Variants in PCYT1A observed in about 807,000 individuals in gnomAD.
PCYT1A encodes phosphate cytidylyltransferase 1A, choline, also known as choline-phosphate cytidylyltransferase A.
A neutral mutation model predicts 43.7 loss-of-function variants in PCYT1A; 25 were observed. The ratio of observed to expected loss-of-function variants is 0.57; its 90% CI spans 0.42 to 0.80. The LOEUF (loss-of-function observed/expected upper bound fraction) is 0.80, where lower values mean the gene tolerates loss of function less well. Ranked by LOEUF, PCYT1A falls within the 30% of genes least tolerant of loss-of-function variation. The pLI, the probability that PCYT1A is intolerant of heterozygous loss-of-function variation, is 0.00. For synonymous variants in PCYT1A, 172 were observed against 170.7 expected, an observed-to-expected ratio of 1.01 and a Z score of -0.06; for missense variants, 421 against 474.2, an observed-to-expected ratio of 0.89 and a Z score of 1.04.
intron 2 of PCYT1A, among the ~76,000 whole-genome samples, chr3:196,261,432 A>C (rs1725104377): frequency 6.6e-6 from 1 of 152,160 alleles, no homozygotes; most frequent in Non-Finnish European, 1.5e-5. Flanking sequence ...CGAGGCAGGC[A>C]GATCATGAGG....
Position 196,238,797 on chromosome 3 carries a change from G to C in PCYT1A, c.995C>G (p.Pro332Arg). 1 of 1,584,456 alleles carries C rather than the reference G, an allele frequency of 6.3e-7. No homozygotes were observed. Among genetic ancestry groups the C allele is most frequent in the Non-Finnish European group, 8.6e-7 (1 of 1,166,264 alleles). ...SSPTRERSPS[P>R]SFRWPFSGKT... ...GCCGGAGAAGGGCCATCGGAAAGAG[G>C]GGGAGGGGGAGCGCTCGCGAGTAGG... Residue 332 changes from proline to arginine, a missense_variant, in exon 9 of 9, where the codon CCC becomes CGC. By Grantham distance (103) the Pro-to-Arg change is moderately radical. Transcript: ENST00000431016.
intron 2 of PCYT1A, among the ~76,000 whole-genome samples, chr3:196,259,911 C>CTTTTTTTTTTTTTTTT (rs779918737): frequency 2.0e-5 from 1 of 48,952 alleles, no homozygotes; most frequent in Non-Finnish European, 3.8e-5. Flanking sequence ...TGGAAACATT[C>CTTTTTTTTTTTTTTTT]TTTTTTTTTT....
rs539532070 is a variant in PCYT1A, at chr3:196,246,012, AAG to A, written c.486+1353_486+1354del. On this transcript the variant is annotated intron_variant, in intron 5 of 8. Transcript: ENST00000431016. ...CAAGGTTGAGTATATATTGTTAACA[AAG>A]AGAAAAGGGGAGTTAGAAATTCCTC... Among the ~76,000 whole-genome samples, 369 of 152,238 alleles carry A rather than the reference AAG, an allele frequency of 2.4e-3. 1 individual carries two copies. The highest frequency in any genetic ancestry group is 5.6e-3 in the Admixed American group (85 of 15,298).
intron 5 of PCYT1A, among the ~76,000 whole-genome samples, chr3:196,245,095 C>CATAGATAAATAA (rs1553829671): frequency 1.4e-5 from 2 of 147,824 alleles, no homozygotes; most frequent in African/African-American, 5.0e-5. Flanking sequence ...AATAAAAATA[C>CATAGATAAATAA]ATAAATAAAT....
At position 196,277,868 on chromosome 3, in the gene PCYT1A, G is replaced by A. The variant is rs1041215660; in HGVS notation, c.-10-7327C>T. Among the ~76,000 whole-genome samples the A allele has an allele frequency of 6.6e-6, 1 of 152,178 alleles. No homozygotes were observed. Among genetic ancestry groups the A allele is most frequent in the Non-Finnish European group, 1.5e-5 (1 of 68,030 alleles). The stretch of plus-strand genomic sequence containing the variant: ...AGCCTGGGCGACAGAGCGAGACTTT[G>A]TCTCAAAATAATAATAACAATAATA... On this transcript the variant is annotated intron_variant, in intron 1 of 8. Transcript: ENST00000431016. This position sits in a 1 kb window ranked among gnomAD's most constrained non-coding sequence, Gnocchi z 4.1.
rs763245598 is a variant in PCYT1A, at chr3:196,238,868, G to A, written c.924C>T (p.Gly308=). 8.2e-6 allele frequency: 12 copies of A among 1,470,214 alleles called. No individual in the cohort carries two copies. Among genetic ancestry groups the A allele is most frequent in the East Asian group, 5.2e-5 (2 of 38,754 alleles). The allele number at this position is 1,470,214 out of a possible 1,614,324, so 91.1% of individuals were successfully genotyped here. A position where few individuals can be genotyped will look rare whatever the true frequency, so the allele number is the denominator to read the frequency against. Residue 308 remains glycine (G), a synonymous_variant, in exon 9 of 9, where the codon GGC becomes GGT. Coordinates refer to ENST00000431016, the MANE Select transcript of PCYT1A (RefSeq NM_001312673.2). ...ALKHMLKEGK[G]RMLQAISPKQ... ...TCGGGCTGATGGCCTGCAGCATCCGGCCCTTCCCCTCTTTCAGCATATGTT... is the reference window on the plus strand; with the variant it reads ...TCGGGCTGATGGCCTGCAGCATCCGACCCTTCCCCTCTTTCAGCATATGTT...
intron 1 of PCYT1A, among the ~76,000 whole-genome samples, chr3:196,280,126 C>T (rs79373918): frequency 0.27 from 40,452 of 152,046 alleles, 6,632 homozygotes; most frequent in East Asian, 0.81. Context: ...CCACCGCACC[C>T]GGCCTATCCA....
intron 2 of PCYT1A, among the ~76,000 whole-genome samples, chr3:196,269,394 T>C (rs1560174586): frequency 1.3e-5 from 2 of 152,210 alleles, no homozygotes; most frequent in African/African-American, 2.4e-5. Context: ...GATCAATGGC[T>C]AATAGTCAAT....
chr3:196,282,135 A>G lies in PCYT1A; in HGVS notation c.-11+5480T>C, dbSNP rs1041146552. 6.6e-6 allele frequency among the ~76,000 whole-genome samples: 1 copy of G among 152,202 alleles called. No individual in the cohort carries two copies. Among genetic ancestry groups the G allele is most frequent in the African/African-American group, 2.4e-5 (1 of 41,448 alleles). ...GCTTTGAACTGGATCTCTTCCCTCT[A>G]ATTTCGTCAGAGAAACCCTTATTCA... On this transcript the variant is annotated intron_variant, in intron 1 of 8. Coordinates refer to ENST00000431016, the MANE Select transcript of PCYT1A (RefSeq NM_001312673.2). This position sits in a 1 kb window ranked among gnomAD's most constrained non-coding sequence, Gnocchi z 4.3.
chr3:196,265,485 C>A (rs1725240549), intron 2 of PCYT1A, among the ~76,000 whole-genome samples: 1 of 152,120 alleles, frequency 6.6e-6, no homozygotes, highest in Non-Finnish European at 1.5e-5. Context: ...GACAAAATAG[C>A]CATAAAGTTT....
chr3:196,267,410 T>A (rs1255184707), intron 2 of PCYT1A: 9 of 444,618 alleles, frequency 2.0e-5, no homozygotes, highest in Non-Finnish European at 3.6e-5. Flanking sequence ...CAGGCCTTCT[T>A]TCTGGGGTGA....
intron 1 of PCYT1A, among the ~76,000 whole-genome samples, chr3:196,275,838 C>G (rs1048881814): frequency 6.6e-6 from 1 of 152,058 alleles, no homozygotes; most frequent in African/African-American, 2.4e-5. Flanking sequence ...TGGCTCACAC[C>G]TGTAATCCCA....
intron 1 of PCYT1A, chr3:196,283,454 T>G (rs937516164): frequency 6.6e-6 from 1 of 152,166 alleles, no homozygotes; most frequent in Non-Finnish European, 1.5e-5. Context: ...TTTACATTAA[T>G]GAATAAGGTA....
At chr3:196,276,207 C>G (rs1174083046) in intron 1 of PCYT1A, among the ~76,000 whole-genome samples, 1 of 151,826 alleles carries the variant, frequency 6.6e-6, no homozygotes, top group Non-Finnish European at 1.5e-5. Context: ...GTATATAAGG[C>G]AAGGAATTTG....
In PCYT1A at chr3:196,282,173, C is replaced by T. The variant is rs1725788049; in HGVS notation, c.-11+5442G>A. On this transcript the variant is annotated intron_variant, in intron 1 of 8. Transcript: ENST00000431016. The surrounding 1 kb of genome is among the most constrained non-coding windows in gnomAD (Gnocchi z 4.3). ...AAACCCTTATTCAACAAACACTGAG[C>T]GGCACTTACTCTGTGCCAGACCCTG... 6.6e-6 allele frequency among the ~76,000 whole-genome samples: 1 copy of T among 152,170 alleles called. No homozygotes were observed. The highest frequency in any genetic ancestry group is 6.6e-5 in the Admixed American group (1 of 15,258).
Position 196,242,311 on chromosome 3 carries a change from A to G in PCYT1A, c.566-221T>C. ...ACATAGCCCTAATATTAAGAAAAAT[A>G]TGAGAAAGGGTTTCCTGAAATTAAG... On this transcript the variant is annotated intron_variant, in intron 6 of 8. Transcript: ENST00000431016. This position sits in a 1 kb window ranked among gnomAD's most constrained non-coding sequence, Gnocchi z 4.2. 2 of 646,072 alleles carry G rather than the reference A, an allele frequency of 3.1e-6. No individual in the cohort carries two copies. Among genetic ancestry groups the G allele is most frequent in the Non-Finnish European group, 5.5e-6 (2 of 362,858 alleles). The allele number at this position is 646,072 out of a possible 1,614,324, so 40.0% of individuals were successfully genotyped here. A position where few individuals can be genotyped will look rare whatever the true frequency, so the allele number is the denominator to read the frequency against.
At chr3:196,241,688 A>C in intron 7 of PCYT1A, 3 of 1,416,094 alleles carry the variant, frequency 2.1e-6, no homozygotes, top group Non-Finnish European at 1.9e-6. Flanking sequence ...CCATTTATTG[A>C]CAGAAATACT....
At chr3:196,276,099 A>G (rs940032438) in intron 1 of PCYT1A, among the ~76,000 whole-genome samples, 9 of 149,198 alleles carry the variant, frequency 6.0e-5, no homozygotes, top group East Asian at 5.8e-4. Flanking sequence ...TCCGTCTCCA[A>G]AAAAAAAAAA....
At chr3:196,241,328 T>A in intron 7 of PCYT1A, 1 of 148,742 alleles carries the variant, frequency 6.7e-6, no homozygotes, top group Non-Finnish European at 1.5e-5. Context: ...ATATATATAT[T>A]TGCATGAATT....
Sources: gnomAD v4.1 joint callset for allele counts (sites outside exome capture counted in the v4.1 genomes callset) on GRCh38, gnomAD v4.1.1 for gene constraint, Gnocchi (gnomAD v3.1) non-coding constraint, MANE v1.5 for transcripts, NCBI Gene and HGNC (gene_info 2026-07-23, HGNC 2026-07-21) for gene names.